The following RAD51B variants were observed in gnomAD, a reference collection of about 807,000 sequenced individuals.
The protein encoded by RAD51B is RAD51 paralog B, also known as DNA repair protein RAD51 homolog 2.
RAD51B carries 38 observed loss-of-function variants against 42.2 expected under a neutral mutation model. The ratio of observed to expected loss-of-function variants is 0.90; its 90% CI spans 0.70 to 1.18. The LOEUF is 1.18. Among genes scored for constraint, RAD51B ranks in the 50% most tolerant of loss-of-function variants. RAD51B has a pLI of 0.00. For synonymous variants in RAD51B, 154 were observed against 145.2 expected (o/e 1.06, Z -0.43); for missense variants, 373 against 400.7 (o/e 0.93, Z 0.59).
At chr14:68,511,830 A>G (rs1181544357) in intron 10 of RAD51B, among the ~76,000 whole-genome samples, 4 of 152,176 alleles carry the variant, frequency 2.6e-5, no homozygotes, top group South Asian at 2.1e-4. Context: ...TTGCTTGACT[A>G]TCTCATTCTT....
intron 7 of RAD51B, among the ~76,000 whole-genome samples, chr14:67,991,864 C>G (rs781200128): frequency 1.3e-5 from 2 of 151,780 alleles, no homozygotes. Flanking sequence ...ATAGGCTTAA[C>G]CAGCAAGATA....
intron 8 of RAD51B, among the ~76,000 whole-genome samples, chr14:68,329,709 C>T (rs946945674): frequency 5.3e-5 from 8 of 152,114 alleles, no homozygotes; most frequent in East Asian, 1.9e-4. Context: ...GGGCCGGGCC[C>T]GGTGGCTCAC....
At chr14:68,077,282 A>G (rs1041952322) in intron 7 of RAD51B, among the ~76,000 whole-genome samples, 2 of 152,192 alleles carry the variant, frequency 1.3e-5, no homozygotes, top group East Asian at 1.9e-4. Context: ...TATTTATCAT[A>G]TGGCTACTAT....
intron 7 of RAD51B, among the ~76,000 whole-genome samples, chr14:68,146,001 T>A (rs1320043101): frequency 6.6e-6 from 1 of 152,166 alleles, no homozygotes; most frequent in Non-Finnish European, 1.5e-5. Flanking sequence ...TATACGTACT[T>A]GGTCTGAGTA....
chr14:68,033,711 G>T (rs117003469), intron 7 of RAD51B, among the ~76,000 whole-genome samples: 2,366 of 152,208 alleles, frequency 0.016, 29 homozygotes, highest in African/African-American at 0.036. Flanking sequence ...AGCCCTTCCC[G>T]CAGACTGCTT....
intron 7 of RAD51B, among the ~76,000 whole-genome samples, chr14:68,049,262 C>T (rs1009925216): frequency 2.6e-5 from 4 of 152,026 alleles, no homozygotes; most frequent in African/African-American, 4.8e-5. Flanking sequence ...ATGTAAATGA[C>T]GAGTTAATGG....
chr14:68,409,217 A>G (rs1363675952), intron 8 of RAD51B, among the ~76,000 whole-genome samples: 1 of 152,218 alleles, frequency 6.6e-6, no homozygotes, highest in African/African-American at 2.4e-5. Flanking sequence ...TATAGTTGCT[A>G]TTGCCCTTGC....
intron 8 of RAD51B, among the ~76,000 whole-genome samples, chr14:68,379,567 GA>G (rs2083438495): frequency 6.6e-6 from 1 of 152,230 alleles, no homozygotes; most frequent in African/African-American, 2.4e-5. Context: ...ATAGGGAGAA[GA>G]GAGGAATGAC....
chr14:67,882,585 A>G (rs2042940913), intron 5 of RAD51B, among the ~76,000 whole-genome samples: 1 of 152,160 alleles, frequency 6.6e-6, no homozygotes, highest in African/African-American at 2.4e-5. Flanking sequence ...ACATACATGG[A>G]TTTCCTGATA....
chr14:68,411,453 G>T lies in RAD51B; in HGVS notation c.883G>T (p.Ala295Ser). 6.2e-7 allele frequency: 1 copy of T among 1,614,072 alleles called. No homozygotes were observed. The highest frequency in any genetic ancestry group is 8.5e-7 in the Non-Finnish European group (1 of 1,179,996). The change falls in exon 9 of 11, where the codon GCA (alanine) becomes TCA (serine). Residue 295 changes from alanine to serine, a missense_variant. By Grantham distance (99) the Ala-to-Ser change is moderately conservative. Transcript: ENST00000471583. The stretch of plus-strand genomic sequence containing the variant: ...TTCTGGATCCAGCTGTGTGATAGCC[G>T]CACTAGGAAATACCTGGAGTCACAG... Reference protein sequence around the residue: ...GTSGSSCVIAALGNTWSHSVN... With the variant: ...GTSGSSCVIASLGNTWSHSVN...
At chr14:68,305,109 C>T (rs2081832953) in intron 8 of RAD51B, among the ~76,000 whole-genome samples, 1 of 152,192 alleles carries the variant, frequency 6.6e-6, no homozygotes, top group Non-Finnish European at 1.5e-5. Flanking sequence ...TTTTTCCCTA[C>T]ATCCCGTTGA....
chr14:68,039,033 T>A (rs1050901903), intron 7 of RAD51B, among the ~76,000 whole-genome samples: 1 of 152,162 alleles, frequency 6.6e-6, no homozygotes. Context: ...ATTAACACCA[T>A]GAAAATCAGC....
chr14:67,977,026 A>G (rs951613364), intron 7 of RAD51B, among the ~76,000 whole-genome samples: 3 of 152,362 alleles, frequency 2.0e-5, no homozygotes, highest in Admixed American at 2.0e-4. Context: ...ATACCATCTC[A>G]CACCAGTTAG....
At chr14:68,484,467 C>T (rs538144609) in intron 10 of RAD51B, among the ~76,000 whole-genome samples, 6 of 150,740 alleles carry the variant, frequency 4.0e-5, no homozygotes, top group Admixed American at 3.3e-4. Flanking sequence ...ACGCTATTCT[C>T]CTGCCTCAGC....
chr14:67,934,810 TG>T (rs1395960123), intron 7 of RAD51B, among the ~76,000 whole-genome samples: 2 of 152,044 alleles, frequency 1.3e-5, no homozygotes, highest in East Asian at 1.9e-4. Context: ...CTCTTATTGA[TG>T]GGGGGGAATG....
At chr14:68,112,301 C>T (rs941533017) in intron 7 of RAD51B, among the ~76,000 whole-genome samples, 1 of 152,016 alleles carries the variant, frequency 6.6e-6, no homozygotes, top group African/African-American at 2.4e-5. Flanking sequence ...CATTGAGGCT[C>T]AATCTCAACT....
At chr14:68,480,028 C>A (rs970214747), downstream of RAD51B, among the ~76,000 whole-genome samples, 2 of 152,014 alleles carry the variant, frequency 1.3e-5, no homozygotes, top group Non-Finnish European at 2.9e-5. Context: ...ATAAAACTTA[C>A]GTTAAATAAA....
chr14:68,604,863 G>T (rs1267385277), intron 10 of RAD51B, among the ~76,000 whole-genome samples: 1 of 143,816 alleles, frequency 7.0e-6, no homozygotes, highest in African/African-American at 2.5e-5. Flanking sequence ...ACTAGCTCCT[G>T]TGTTCTCGTC....
intron 7 of RAD51B, among the ~76,000 whole-genome samples, chr14:67,975,722 T>C (rs1459628841): frequency 1.3e-5 from 2 of 152,252 alleles, no homozygotes; most frequent in African/African-American, 2.4e-5. Flanking sequence ...GAACGTAGTT[T>C]GAACAGTTGG....
Sources: allele counts gnomAD v4.1 joint callset (sites outside exome capture counted in the v4.1 genomes callset), GRCh38; gene constraint gnomAD v4.1.1; transcripts MANE v1.5; gene names NCBI Gene and HGNC (gene_info 2026-07-23, HGNC 2026-07-21).